Variants in EPHB2 observed in about 807,000 individuals in gnomAD.
EPHB2 encodes EPH receptor B2.
In EPHB2, 18 loss-of-function variants were observed where a neutral mutation model predicts 96.4. The observed-to-expected ratio is 0.19, with a 90% CI of 0.13 to 0.28. The LOEUF is 0.28. Ranked by LOEUF, EPHB2 falls within the 10% of genes least tolerant of loss-of-function variation. The pLI is 1.00. For missense variants in EPHB2, 989 were observed against 1,355.4 expected (o/e 0.73, Z 4.25); for synonymous variants, 506 against 534.1 (o/e 0.95, Z 0.72).
intron 3 of EPHB2, among the ~76,000 whole-genome samples, chr1:22,855,462 T>G (rs1645685171): frequency 6.6e-6 from 1 of 152,252 alleles, no homozygotes; most frequent in South Asian, 2.1e-4. Context: ...TGCTTAGTCA[T>G]GGTCTCTTAT....
intron 14 of EPHB2, 83 bp from the exon 15 acceptor site, chr1:22,912,361 C>T: frequency 1.3e-6 from 2 of 1,580,966 alleles, no homozygotes; most frequent in Non-Finnish European, 1.7e-6. Flanking sequence ...CACATTCACG[C>T]ATACGCAGCC....
At chr1:22,888,387 A>G (rs113539754) in intron 6 of EPHB2, among the ~76,000 whole-genome samples, 3 of 152,304 alleles carry the variant, frequency 2.0e-5, no homozygotes, top group Admixed American at 2.0e-4. Context: ...GCCAACATTT[A>G]TTAAGTCTTT....
intron 1 of EPHB2, 30 bp from the exon 2 acceptor site, chr1:22,781,391 C>T (rs747707779): frequency 8.7e-6 from 14 of 1,607,618 alleles, no homozygotes; most frequent in Non-Finnish European, 6.8e-6. Flanking sequence ...GTAGGTGGGG[C>T]GGGGTGGTGA....
chr1:22,796,838 G>A (rs1866792), intron 3 of EPHB2, among the ~76,000 whole-genome samples: 113,567 of 152,140 alleles, frequency 0.75, 42,740 homozygotes, highest in Middle Eastern at 0.84. Flanking sequence ...AATCCTTACA[G>A]TCCCCAGAAG....
At chr1:22,817,482 TC>T (rs1274698402) in intron 3 of EPHB2, among the ~76,000 whole-genome samples, 1 of 152,188 alleles carries the variant, frequency 6.6e-6, no homozygotes, top group East Asian at 1.9e-4. Flanking sequence ...ATATGGACCA[TC>T]CTGTGGCCAC....
chr1:22,835,917 C>T (rs1027935295), intron 3 of EPHB2: 9 of 151,822 alleles, frequency 5.9e-5, no homozygotes, highest in Admixed American at 2.6e-4. Flanking sequence ...TTTAATCCCT[C>T]GTCATGTCTG....
At chr1:22,751,918 C>G (rs1205366506) in intron 1 of EPHB2, among the ~76,000 whole-genome samples, 1 of 152,150 alleles carries the variant, frequency 6.6e-6, no homozygotes, top group Non-Finnish European at 1.5e-5. Flanking sequence ...TGAGAATACC[C>G]CAAGTTGGGG....
chr1:22,815,056 G>C (rs1470398536), intron 3 of EPHB2, among the ~76,000 whole-genome samples: 2 of 152,216 alleles, frequency 1.3e-5, no homozygotes, highest in Non-Finnish European at 2.9e-5. Flanking sequence ...GGCCTTTCCT[G>C]AGAGGTGCTT....
intron 1 of EPHB2, among the ~76,000 whole-genome samples, chr1:22,752,515 T>TAATAA (rs958861988): frequency 6.7e-6 from 1 of 149,620 alleles, no homozygotes; most frequent in Non-Finnish European, 1.5e-5. Flanking sequence ...AATAATAAAA[T>TAATAA]AATAAAATAA....
chr1:22,859,556 GA>G (rs1241279453), intron 3 of EPHB2, among the ~76,000 whole-genome samples: 1 of 152,124 alleles, frequency 6.6e-6, no homozygotes, highest in African/African-American at 2.4e-5. Flanking sequence ...AGCACTTTGG[GA>G]GCCAAGGCGG....
chr1:22,853,523 C>T (rs1645655048), intron 3 of EPHB2, among the ~76,000 whole-genome samples: 1 of 152,204 alleles, frequency 6.6e-6, no homozygotes, highest in Admixed American at 6.5e-5. Context: ...CAGAAGAGCA[C>T]CCCCAGACCC....
chr1:22,874,014 G>A (rs1638757479), intron 5 of EPHB2, among the ~76,000 whole-genome samples: 1 of 152,204 alleles, frequency 6.6e-6, no homozygotes, highest in African/African-American at 2.4e-5. Flanking sequence ...CCCAGGCTCA[G>A]AGAGAGGTAA....
At chr1:22,750,971 G>A (rs1297667108) in intron 1 of EPHB2, among the ~76,000 whole-genome samples, 1 of 152,222 alleles carries the variant, frequency 6.6e-6, no homozygotes, top group Non-Finnish European at 1.5e-5. Context: ...CTGATTCTCA[G>A]AATTGGTGCT....
chr1:22,776,380 C>A (rs1053304167), intron 1 of EPHB2, among the ~76,000 whole-genome samples: 1 of 152,198 alleles, frequency 6.6e-6, no homozygotes, highest in Non-Finnish European at 1.5e-5. Context: ...TTTCCTGTAA[C>A]CTGCAATAAA....
intron 3 of EPHB2, among the ~76,000 whole-genome samples, chr1:22,848,143 G>A (rs1211760183): frequency 6.6e-6 from 1 of 152,230 alleles, no homozygotes; most frequent in Non-Finnish European, 1.5e-5. Context: ...CCACACACAC[G>A]ATCTCAAATC....
chr1:22,752,078 C>T (rs1441976644), intron 1 of EPHB2, among the ~76,000 whole-genome samples: 1 of 152,204 alleles, frequency 6.6e-6, no homozygotes, highest in East Asian at 1.9e-4. Context: ...CTTCATCTGT[C>T]CAGTGAAACC....
chr1:22,840,571 G>A (rs907920400), intron 3 of EPHB2, among the ~76,000 whole-genome samples: 1 of 152,090 alleles, frequency 6.6e-6, no homozygotes, highest in African/African-American at 2.4e-5. Flanking sequence ...AGCGATTCTC[G>A]TGCCTCAGCC....
At chr1:22,751,635 C>T (rs1644064821) in intron 1 of EPHB2, among the ~76,000 whole-genome samples, 1 of 152,190 alleles carries the variant, frequency 6.6e-6, no homozygotes, top group Non-Finnish European at 1.5e-5. Context: ...GGGTTCAAGT[C>T]CTGGTTCTGC....
At chr1:22,869,826 C>T (rs932195314) in intron 5 of EPHB2, among the ~76,000 whole-genome samples, 11 of 152,218 alleles carry the variant, frequency 7.2e-5, no homozygotes, top group African/African-American at 2.7e-4. Context: ...TTCTAGTTCC[C>T]GTGGTTGAAA....
Sources: allele counts gnomAD v4.1 joint callset (sites outside exome capture counted in the v4.1 genomes callset), GRCh38; gene constraint gnomAD v4.1.1; transcripts MANE v1.5; gene names NCBI Gene and HGNC (gene_info 2026-07-23, HGNC 2026-07-21).